CDH13: variants seen among roughly 807,000 people sequenced by gnomAD.
The protein encoded by CDH13 is cadherin 13, also known as cadherin-13.
Under a neutral mutation model 63.8 loss-of-function variants are expected in CDH13, and 24 were observed. The observed-to-expected ratio is 0.38, with a 90% CI of 0.27 to 0.53. CDH13 has a LOEUF of 0.53. CDH13 is among the 20% of genes least tolerant of loss of function. The pLI is 0.85. For missense variants in CDH13, 1,049 were observed against 903.1 expected, an observed-to-expected ratio of 1.16 and a Z score of -2.07; for synonymous variants, 503 against 355.3, an observed-to-expected ratio of 1.42 and a Z score of -4.67.
intron 1 of CDH13, among the ~76,000 whole-genome samples, chr16:82,704,033 C>T (rs1315794811): frequency 6.6e-6 from 1 of 152,118 alleles, no homozygotes; most frequent in African/African-American, 2.4e-5. Context: ...TCCTTTGCAA[C>T]AGTACCAAAT....
chr16:83,737,688 G>T (rs892026357), intron 10 of CDH13, among the ~76,000 whole-genome samples: 4 of 152,136 alleles, frequency 2.6e-5, no homozygotes, highest in African/African-American at 7.2e-5. Flanking sequence ...TGGAAAACAT[G>T]TTAAAAATGG....
chr16:82,709,792 C>T (rs1653384762), intron 1 of CDH13, among the ~76,000 whole-genome samples: 1 of 151,984 alleles, frequency 6.6e-6, no homozygotes, highest in African/African-American at 2.4e-5. Context: ...TTTCCTGTGG[C>T]AGAGAGAGAA....
At chr16:83,117,669 G>A (rs1203894416) in intron 3 of CDH13, among the ~76,000 whole-genome samples, 1 of 151,966 alleles carries the variant, frequency 6.6e-6, no homozygotes, top group East Asian at 1.9e-4. Context: ...AGAAATGAAT[G>A]AAAGAATGAA....
intron 4 of CDH13, among the ~76,000 whole-genome samples, chr16:83,159,087 C>T (rs2037337677): frequency 2.0e-5 from 3 of 151,944 alleles, no homozygotes; most frequent in African/African-American, 7.3e-5. Flanking sequence ...TTTGTCTTGC[C>T]TTCCATGTCT....
At chr16:83,368,937 T>TGTATAC in intron 6 of CDH13, among the ~76,000 whole-genome samples, 1 of 68,914 alleles carries the variant, frequency 1.5e-5, no homozygotes, top group East Asian at 4.4e-4. Context: ...TATATATATA[T>TGTATAC]ACTAGGTTTT....
In CDH13 at chr16:83,424,914, G is replaced by C. The variant is rs551525461; in HGVS notation, c.782-61563G>C. Among the ~76,000 whole-genome samples the C allele has an allele frequency of 3.3e-5, 5 of 152,246 alleles. No homozygotes were observed. In the East Asian group the frequency reaches 9.7e-4, roughly 30 times the overall value. On this transcript the variant is annotated intron_variant, in intron 6 of 13. Coordinates refer to ENST00000567109, the MANE Select transcript of CDH13 (RefSeq NM_001257.5). ...AGATTTACACACAAGTAAGGATTTG[G>C]CCTGATTCGTTAGTGGAACATCCTG... is the stretch of plus-strand genomic sequence containing the variant.
At chr16:82,897,688 A>G (rs1240442175) in intron 2 of CDH13, among the ~76,000 whole-genome samples, 4 of 152,256 alleles carry the variant, frequency 2.6e-5, no homozygotes, top group African/African-American at 9.6e-5. Flanking sequence ...AATGCTGTAC[A>G]TTGCCAATGC....
intron 4 of CDH13, among the ~76,000 whole-genome samples, chr16:83,133,752 G>A (rs1316804804): frequency 1.3e-5 from 2 of 152,190 alleles, no homozygotes; most frequent in African/African-American, 4.8e-5. Context: ...ACCTGCCTCG[G>A]CTGCCCAAAG....
chr16:83,444,012 G>A (rs2072584446), intron 6 of CDH13, among the ~76,000 whole-genome samples: 2 of 150,740 alleles, frequency 1.3e-5, no homozygotes, highest in Non-Finnish European at 3.0e-5. Context: ...AAAGACGGTG[G>A]TGAAGGTGAT....
chr16:82,725,793 G>A (rs1010110429), intron 1 of CDH13, among the ~76,000 whole-genome samples: 13 of 152,210 alleles, frequency 8.5e-5, no homozygotes, highest in African/African-American at 2.9e-4. Flanking sequence ...GAATATGATA[G>A]CAAGACTTAC....
chr16:83,653,787 C>T (rs780248967), intron 8 of CDH13, among the ~76,000 whole-genome samples: 3 of 152,190 alleles, frequency 2.0e-5, no homozygotes, highest in Non-Finnish European at 4.4e-5. Context: ...TGTAGCATCT[C>T]ACTCCCACAT....
At chr16:83,696,194 A>G (rs1046477346) in intron 10 of CDH13, among the ~76,000 whole-genome samples, 8 of 152,312 alleles carry the variant, frequency 5.3e-5, no homozygotes, top group African/African-American at 1.9e-4. Flanking sequence ...ACTGGCCTCA[A>G]GGAACTTCTC....
intron 6 of CDH13, among the ~76,000 whole-genome samples, chr16:83,448,636 C>G (rs181060348): frequency 1.3e-5 from 2 of 152,260 alleles, no homozygotes; most frequent in African/African-American, 2.4e-5. Flanking sequence ...AGCTCCTCCT[C>G]CTCTTCATGA....
At chr16:83,728,625 C>G (rs1345416310) in intron 10 of CDH13, among the ~76,000 whole-genome samples, 1 of 152,130 alleles carries the variant, frequency 6.6e-6, no homozygotes, top group East Asian at 1.9e-4. Flanking sequence ...AAGCGTGTCT[C>G]TCGGCCTTCA....
intron 1 of CDH13, among the ~76,000 whole-genome samples, chr16:82,752,311 T>C (rs1293373816): frequency 1.3e-5 from 2 of 152,210 alleles, no homozygotes; most frequent in Non-Finnish European, 2.9e-5. Flanking sequence ...CCGCCAATGA[T>C]GGATAGAGAG....
intron 2 of CDH13, among the ~76,000 whole-genome samples, chr16:82,886,177 T>C (rs182736065): frequency 9.2e-5 from 14 of 152,362 alleles, no homozygotes; most frequent in Non-Finnish European, 1.3e-4. Flanking sequence ...CAAACTGTTA[T>C]AGCTATTCAT....
chr16:83,675,824 G>A (rs1468606610), intron 9 of CDH13, among the ~76,000 whole-genome samples: 1 of 152,132 alleles, frequency 6.6e-6, no homozygotes, highest in Non-Finnish European at 1.5e-5. Flanking sequence ...TTAGATTTTT[G>A]CACAATCAAA....
chr16:83,047,898 G>A lies in CDH13; in HGVS notation c.366+15680G>A, dbSNP rs753515887. Among the ~76,000 whole-genome samples the A allele has an allele frequency of 2.2e-4, 33 of 152,236 alleles. No homozygotes were observed. Among genetic ancestry groups the A allele is most frequent in the East Asian group, 1.5e-3 (8 of 5,182 alleles). ...ATTTTACAGGTGAATAAAGGAAGACGGGGAGACTATGTGTGACCAGCACAG... is the reference window on the plus strand; with the variant it reads ...ATTTTACAGGTGAATAAAGGAAGACAGGGAGACTATGTGTGACCAGCACAG... On this transcript the variant is annotated intron_variant, in intron 3 of 13. Coordinates refer to ENST00000567109, the MANE Select transcript of CDH13 (RefSeq NM_001257.5). The surrounding 1 kb of genome is among the most constrained non-coding windows in gnomAD (Gnocchi z 4.9).
At chr16:83,593,380 T>A (rs1906945905) in intron 7 of CDH13, among the ~76,000 whole-genome samples, 1 of 152,176 alleles carries the variant, frequency 6.6e-6, no homozygotes, top group Non-Finnish European at 1.5e-5. Flanking sequence ...CCATTCTCAC[T>A]GGCTCACAAT....
Sources: gnomAD v4.1 joint callset for allele counts (sites outside exome capture counted in the v4.1 genomes callset) on GRCh38, gnomAD v4.1.1 for gene constraint, Gnocchi (gnomAD v3.1) non-coding constraint, MANE v1.5 for transcripts, NCBI Gene and HGNC (gene_info 2026-07-23, HGNC 2026-07-21) for gene names.